Variants in ZZEF1 observed in about 807,000 individuals in gnomAD.
ZZEF1 encodes zinc finger ZZ-type and EF-hand domain containing 1, also known as zinc finger ZZ-type and EF-hand domain-containing protein 1.
Under a neutral mutation model 342.8 loss-of-function variants are expected in ZZEF1, and 157 were observed. The ratio of observed to expected loss-of-function variants is 0.46; its 90% CI spans 0.40 to 0.52. The LOEUF (loss-of-function observed/expected upper bound fraction) is 0.52, where lower values mean the gene tolerates loss of function less well. ZZEF1 is among the 20% of genes least tolerant of loss of function. The pLI is 0.00. For missense variants in ZZEF1, 3,480 were observed against 3,725.6 expected (o/e 0.93, Z 1.72); for synonymous variants, 1,505 against 1,429.1 (o/e 1.05, Z -1.20).
At chr17:4,059,097 G>T in intron 31 of ZZEF1, 74 bp downstream of exon 31, 1 of 1,304,832 alleles carries the variant, frequency 7.7e-7, no homozygotes, top group Non-Finnish European at 1.0e-6. Context: ...ATTTTTGACA[G>T]TGAACATATA....
intron 6 of ZZEF1, among the ~76,000 whole-genome samples, chr17:4,108,442 G>A (rs2058246359): frequency 6.6e-6 from 1 of 152,202 alleles, no homozygotes; most frequent in Admixed American, 6.5e-5. Flanking sequence ...AGGAAATACT[G>A]AGGAATTGTT....
chr17:4,064,613 G>A lies in ZZEF1; in HGVS notation c.4466C>T (p.Pro1489Leu), dbSNP rs1567808120. Reference sequence around the variant, plus strand: ...CAGCTTTGGCTGGGTGCCCAGGCCAGGACTCTGGTCTCCTGTGGCAGGGGG... The same window carrying A: ...CAGCTTTGGCTGGGTGCCCAGGCCAAGACTCTGGTCTCCTGTGGCAGGGGG... ...AAPPATGDQS[P>L]GLGTQPKLPS... The change falls in exon 29 of 55, where the codon CCT (proline) becomes CTT (leucine). Residue 1489 changes from proline (P) to leucine (L), a missense_variant. By Grantham distance (98) the Pro-to-Leu change is moderately conservative. Transcript: ENST00000381638. 1 of 1,614,178 alleles carries A rather than the reference G, an allele frequency of 6.2e-7. No individual in the cohort carries two copies. The highest frequency in any genetic ancestry group is 8.5e-7 in the Non-Finnish European group (1 of 1,180,032).
chr17:4,032,056 T>C (rs2056560627), intron 42 of ZZEF1, 70 bp downstream of exon 42: 9 of 1,496,908 alleles, frequency 6.0e-6, no homozygotes, highest in South Asian at 2.6e-5. Flanking sequence ...GGTAATTTCA[T>C]TGATTTTAGG....
chr17:4,017,556 AGTCCCGGAC>A lies in ZZEF1; in HGVS notation c.7807_7815del (p.Val2603_Asp2605del). ...GTGGCCTCGTTCACTCGGAAGAGGT[AGTCCCGGAC>A]AGCCCTCTTACTCTTGCAGTTCAGC... On this transcript the variant is annotated inframe_deletion, in exon 48 of 55. Transcript: ENST00000381638. The surrounding 1 kb of genome is among the most constrained non-coding windows in gnomAD (Gnocchi z 5.1). 1 of 1,614,262 alleles carries A rather than the reference AGTCCCGGAC, an allele frequency of 6.2e-7. No individual in the cohort carries two copies. The highest frequency in any genetic ancestry group is 8.5e-7 in the Non-Finnish European group (1 of 1,180,034).
chr17:4,049,112 C>G (rs756401704), intron 37 of ZZEF1, among the ~76,000 whole-genome samples: 4 of 152,154 alleles, frequency 2.6e-5, no homozygotes, highest in Admixed American at 6.5e-5. Context: ...TTACTATCAA[C>G]TCTTCTAAGC....
At chr17:4,055,442 G>A (rs974057554) in intron 33 of ZZEF1, among the ~76,000 whole-genome samples, 9 of 152,216 alleles carry the variant, frequency 5.9e-5, no homozygotes, top group African/African-American at 2.2e-4. Flanking sequence ...ACGTGGAGAT[G>A]GACACAGTGG....
intron 18 of ZZEF1, 129 bp downstream of exon 18, chr17:4,081,247 C>CG: frequency 1.3e-6 from 1 of 792,642 alleles, no homozygotes; most frequent in Non-Finnish European, 2.1e-6. Context: ...AAAACAACAA[C>CG]AACAACAGAA....
chr17:4,084,371 C>A (rs915179317), intron 16 of ZZEF1, among the ~76,000 whole-genome samples: 3 of 151,920 alleles, frequency 2.0e-5, no homozygotes, highest in Non-Finnish European at 4.4e-5. Flanking sequence ...AGCATAAATC[C>A]AACTTGGCCA....
At position 4,085,804 on chromosome 17, in the gene ZZEF1, C is replaced by T; in HGVS notation, c.2513-1G>A. On this transcript the variant is annotated splice_acceptor_variant, in intron 15 of 54. Transcript: ENST00000381638. LOFTEE classifies it high-confidence loss of function. The stretch of plus-strand genomic sequence containing the variant: ...GAGTCTCCATCCACCTTGTCCACCA[C>T]TGATAAAATGAACAATGGCATCAGC... 6.2e-7 allele frequency: 1 copy of T among 1,613,932 alleles called. No individual in the cohort carries two copies. The highest frequency in any genetic ancestry group is 1.3e-5 in the African/African-American group (1 of 75,028).
At chr17:4,042,124 C>G (rs773420565) in intron 39 of ZZEF1, among the ~76,000 whole-genome samples, 12 of 152,062 alleles carry the variant, frequency 7.9e-5, no homozygotes, top group Non-Finnish European at 1.5e-4. Flanking sequence ...ATATTAACAA[C>G]TGGTGAATCT....
intron 3 of ZZEF1, 151 bp from the exon 4 acceptor site, chr17:4,114,621 T>A: frequency 1.7e-6 from 1 of 604,086 alleles, no homozygotes; most frequent in South Asian, 3.9e-5. Context: ...CTTTTGTAGT[T>A]CATCAGTGTC....
intron 41 of ZZEF1, 111 bp from the exon 42 acceptor site, chr17:4,032,369 G>A (rs937563329): frequency 2.9e-5 from 34 of 1,157,756 alleles, no homozygotes; most frequent in Non-Finnish European, 3.9e-5. Context: ...CAACAAGCAC[G>A]CAAGGATAGG....
chr17:4,131,930 T>G (rs1156639143), intron 1 of ZZEF1, among the ~76,000 whole-genome samples: 2 of 151,964 alleles, frequency 1.3e-5, no homozygotes, highest in East Asian at 3.8e-4. Flanking sequence ...TGGGCAACGA[T>G]GGGAAGGTAA....
intron 42 of ZZEF1, among the ~76,000 whole-genome samples, chr17:4,029,216 T>C (rs1448894268): frequency 1.3e-5 from 2 of 152,092 alleles, no homozygotes; most frequent in Non-Finnish European, 1.5e-5. Context: ...TTTTGGACAA[T>C]AAAACAAATT....
At chr17:4,022,410 G>A (rs1400136066) in intron 44 of ZZEF1, 2 of 251,300 alleles carry the variant, frequency 8.0e-6, no homozygotes, top group Non-Finnish European at 1.5e-5. Context: ...ACTTTAAAGG[G>A]AAATATGAAT....
chr17:4,121,542 C>T lies in ZZEF1; in HGVS notation c.499+2365G>A, dbSNP rs565838121. 5.1e-3 allele frequency among the ~76,000 whole-genome samples: 778 copies of T among 152,252 alleles called. 7 individuals carry two copies. Among genetic ancestry groups the T allele is most frequent in the African/African-American group, 0.018 (737 of 41,562 alleles). The stretch of plus-strand genomic sequence containing the variant: ...TCGGGAGGCTGAGGCACAACAATCA[C>T]TTGAACCCAGGAGGTGGAGGCTGCA... On this transcript the variant is annotated intron_variant, in intron 2 of 54. Transcript: ENST00000381638.
chr17:4,054,026 G>A, intron 34 of ZZEF1, 31 bp downstream of exon 34: 2 of 1,583,284 alleles, frequency 1.3e-6, no homozygotes, highest in Non-Finnish European at 1.7e-6. Flanking sequence ...TATTGCCTTT[G>A]GATACGGCGT....
At chr17:4,132,199 CTCTTT>C (rs1193364750) in intron 1 of ZZEF1, among the ~76,000 whole-genome samples, 1 of 117,858 alleles carries the variant, frequency 8.5e-6, no homozygotes, top group Non-Finnish European at 1.8e-5. Context: ...CCTAAATTTT[CTCTTT>C]TTTTTTTTTT....
At chr17:4,044,753 G>A (rs974331986) in intron 37 of ZZEF1, among the ~76,000 whole-genome samples, 3 of 151,894 alleles carry the variant, frequency 2.0e-5, no homozygotes, top group Non-Finnish European at 4.4e-5. Context: ...TCTTGACCTC[G>A]TGATCTGCCC....
Sources: gnomAD v4.1 joint callset for allele counts (sites outside exome capture counted in the v4.1 genomes callset) on GRCh38, gnomAD v4.1.1 for gene constraint, Gnocchi (gnomAD v3.1) non-coding constraint, MANE v1.5 for transcripts, NCBI Gene and HGNC (gene_info 2026-07-23, HGNC 2026-07-21) for gene names.